ADAMTS9: variants seen among roughly 807,000 people sequenced by gnomAD.
ADAMTS9 encodes ADAM metallopeptidase with thrombospondin type 1 motif 9, also known as A disintegrin and metalloproteinase with thrombospondin motifs 9.
Under a neutral mutation model 257.1 loss-of-function variants are expected in ADAMTS9, and 107 were observed. The ratio of observed to expected loss-of-function variants is 0.42; its 90% CI spans 0.36 to 0.49. The LOEUF (loss-of-function observed/expected upper bound fraction) is 0.49. Ranked by LOEUF, ADAMTS9 falls within the 20% of genes least tolerant of loss-of-function variation. The pLI, the probability that ADAMTS9 is intolerant of heterozygous loss-of-function variation, is 0.03. For missense variants in ADAMTS9, 2,353 were observed against 2,469.1 expected, an observed-to-expected ratio of 0.95 and a Z score of 1.00; for synonymous variants, 982 against 880.9, an observed-to-expected ratio of 1.11 and a Z score of -2.03.
chr3:64,672,655 C>A (rs1489448933), intron 3 of ADAMTS9, among the ~76,000 whole-genome samples: 1 of 146,750 alleles, frequency 6.8e-6, no homozygotes, highest in Non-Finnish European at 1.5e-5. Flanking sequence ...TGCACTCCAG[C>A]CTGGGCAACA....
At chr3:64,634,982 AC>A (rs1700458476) in intron 12 of ADAMTS9, among the ~76,000 whole-genome samples, 1 of 152,138 alleles carries the variant, frequency 6.6e-6, no homozygotes, top group South Asian at 2.1e-4. Flanking sequence ...GTGGCCCTAG[AC>A]TAAGTTCTCA....
intron 29 of ADAMTS9, chr3:64,563,084 T>C (rs1215744516): frequency 1.3e-5 from 2 of 152,210 alleles, no homozygotes; most frequent in East Asian, 1.9e-4. Flanking sequence ...TTGAATGAGT[T>C]TGTGACCCAC....
chr3:64,686,706 G>T lies in ADAMTS9; in HGVS notation c.378C>A (p.Val126=), dbSNP rs1193593345. ...TCACCCCGGGCGTCCCGAGGAGGGTGACAGTGAACAGTGGAGCGATAAATC... is the reference window on the plus strand; with the variant it reads ...TCACCCCGGGCGTCCCGAGGAGGGTTACAGTGAACAGTGGAGCGATAAATC... The part of the protein sequence containing the change: ...NAGFIAPLFT[V]TLLGTPGVNQ... The change falls in exon 2 of 40, where the codon GTC becomes GTA. Residue 126 remains valine (V), a synonymous_variant. Transcript: ENST00000498707. This position sits in a 1 kb window ranked among gnomAD's most constrained non-coding sequence, Gnocchi z 4.6. 1.9e-6 allele frequency: 3 copies of T among 1,614,238 alleles called. No homozygotes were observed. The highest frequency in any genetic ancestry group is 2.5e-6 in the Non-Finnish European group (3 of 1,180,050).
chr3:64,647,249 T>G (rs1055865750), intron 11 of ADAMTS9, among the ~76,000 whole-genome samples: 1 of 152,130 alleles, frequency 6.6e-6, no homozygotes, highest in African/African-American at 2.4e-5. Flanking sequence ...GTTACCAAAT[T>G]TTTGGGCTGA....
At chr3:64,630,543 C>T (rs1364708246) in intron 16 of ADAMTS9, among the ~76,000 whole-genome samples, 1 of 152,192 alleles carries the variant, frequency 6.6e-6, no homozygotes. Context: ...CACCACTGCA[C>T]TCCAGCCTCG....
At chr3:64,528,018 CT>C in intron 38 of ADAMTS9, among the ~76,000 whole-genome samples, 1 of 152,318 alleles carries the variant, frequency 6.6e-6, no homozygotes, top group South Asian at 2.1e-4. Context: ...TATTTTTTAA[CT>C]TCAAAGCAAT....
At chr3:64,536,834 T>C (rs1280717911) in intron 37 of ADAMTS9, among the ~76,000 whole-genome samples, 1 of 152,124 alleles carries the variant, frequency 6.6e-6, no homozygotes, top group African/African-American at 2.4e-5. Context: ...ATAAAAAATA[T>C]TCTGGTTATG....
At chr3:64,665,377 C>T (rs72892822) in intron 3 of ADAMTS9, among the ~76,000 whole-genome samples, 11,043 of 152,192 alleles carry the variant, frequency 0.073, 1,309 homozygotes, top group African/African-American at 0.25. Context: ...ATAACTGACT[C>T]CTGCTCACCC....
chr3:64,546,452 A>G (rs1465081034), intron 32 of ADAMTS9, among the ~76,000 whole-genome samples: 1 of 152,176 alleles, frequency 6.6e-6, no homozygotes, highest in African/African-American at 2.4e-5. Context: ...CACAACTACC[A>G]GTTTTGCAGA....
intron 3 of ADAMTS9, among the ~76,000 whole-genome samples, chr3:64,666,444 C>T (rs1205759855): frequency 1.3e-5 from 2 of 152,238 alleles, no homozygotes; most frequent in African/African-American, 4.8e-5. Flanking sequence ...GATTCAGGAG[C>T]AAGGCGAGAC....
chr3:64,648,789 T>C (rs1305832107), intron 10 of ADAMTS9, among the ~76,000 whole-genome samples: 1 of 152,180 alleles, frequency 6.6e-6, no homozygotes, highest in African/African-American at 2.4e-5. Flanking sequence ...CATTTTCAAT[T>C]GCTATAAAAG....
intron 19 of ADAMTS9, among the ~76,000 whole-genome samples, chr3:64,620,178 C>T (rs1251578411): frequency 6.6e-6 from 1 of 152,066 alleles, no homozygotes; most frequent in Non-Finnish European, 1.5e-5. Flanking sequence ...ACACTCGTAC[C>T]ATAACTGCTC....
chr3:64,588,097 T>TCATTTAAAATGACTGGCCAGTTGCA (rs2084193335), intron 28 of ADAMTS9: 1 of 152,168 alleles, frequency 6.6e-6, no homozygotes, highest in African/African-American at 2.4e-5. Flanking sequence ...GCAGCATCTG[T>TCATTTAAAATGACTGGCCAGTTGCA]CATTTAAAAT....
At chr3:64,609,585 G>C (rs1004322409) in intron 22 of ADAMTS9, among the ~76,000 whole-genome samples, 1 of 151,976 alleles carries the variant, frequency 6.6e-6, no homozygotes, top group Non-Finnish European at 1.5e-5. Context: ...AGGAGGTAAA[G>C]GCTTTCTACA....
chr3:64,611,591 G>A (rs2084666503), intron 22 of ADAMTS9, among the ~76,000 whole-genome samples: 1 of 152,138 alleles, frequency 6.6e-6, no homozygotes, highest in Non-Finnish European at 1.5e-5. Context: ...GGGTGGTTTT[G>A]GGATGAAACT....
intron 19 of ADAMTS9, among the ~76,000 whole-genome samples, chr3:64,619,441 G>GT (rs1204364575): frequency 6.6e-6 from 1 of 152,108 alleles, no homozygotes; most frequent in Non-Finnish European, 1.5e-5. Context: ...CAGGATCTAG[G>GT]TACAGATTTA....
Position 64,633,606 on chromosome 3 carries a change from G to A in ADAMTS9, c.2041C>T (p.Leu681=). Residue 681 remains leucine (L), a splice_region_variant and synonymous_variant, in exon 14 of 40, where the codon CTG becomes TTG. Transcript: ENST00000498707. ...AACAACTTGCACCGGTCCTTCATCA[G>A]AACTAGAGAGGAGAAACAATACAAC... ...VRWVPKYSGI[L]MKDRCKLFCR... is the part of the protein sequence containing the mutation. 1 of 1,614,094 alleles carries A rather than the reference G, an allele frequency of 6.2e-7. No individual in the cohort carries two copies. The highest frequency in any genetic ancestry group is 8.5e-7 in the Non-Finnish European group (1 of 1,180,008).
chr3:64,668,241 G>GT (rs1296334883), intron 3 of ADAMTS9, among the ~76,000 whole-genome samples: 1 of 152,130 alleles, frequency 6.6e-6, no homozygotes, highest in Non-Finnish European at 1.5e-5. Flanking sequence ...TAGTAGCCAC[G>GT]TTTTTTTAAC....
At chr3:64,547,540 T>C (rs1405255207) in intron 31 of ADAMTS9, among the ~76,000 whole-genome samples, 1 of 120,372 alleles carries the variant, frequency 8.3e-6, no homozygotes, top group Non-Finnish European at 1.8e-5. Flanking sequence ...TGAGACTGTG[T>C]CTCACTCTGT....
Sources: allele counts gnomAD v4.1 joint callset (sites outside exome capture counted in the v4.1 genomes callset), GRCh38; gene constraint gnomAD v4.1.1; non-coding constraint Gnocchi (gnomAD v3.1); transcripts MANE v1.5; gene names NCBI Gene and HGNC (gene_info 2026-07-23, HGNC 2026-07-21).